Variants in ANXA4 observed in about 807,000 individuals in gnomAD.
ANXA4 encodes 35-beta calcimedin.
Under a neutral mutation model 49.8 loss-of-function variants are expected in ANXA4, and 39 were observed. The ratio of observed to expected loss-of-function variants is 0.78; its 90% CI spans 0.61 to 1.02. ANXA4 has a LOEUF of 1.02. Ranked by LOEUF, ANXA4 falls within the 50% of genes least tolerant of loss-of-function variation. ANXA4 has a pLI of 0.00. For missense variants in ANXA4, 360 were observed against 410.1 expected, an observed-to-expected ratio of 0.88 and a Z score of 1.05; for synonymous variants, 134 against 152.5, an observed-to-expected ratio of 0.88 and a Z score of 0.89.
chr2:69,645,930 A>G (rs71413193), intron 1 of ANXA4, among the ~76,000 whole-genome samples: 1 of 152,236 alleles, frequency 6.6e-6, no homozygotes, highest in Non-Finnish European at 1.5e-5. Context: ...TGACTTGCCC[A>G]AAGTCACACA....
At chr2:69,731,873 G>A (rs2312550) in intron 3 of ANXA4, among the ~76,000 whole-genome samples, 1 of 151,896 alleles carries the variant, frequency 6.6e-6, no homozygotes, top group South Asian at 2.1e-4. Context: ...TCATGGCAAG[G>A]AAAACAGGTT....
At chr2:69,783,340 T>C (rs997137655) in intron 2 of ANXA4, among the ~76,000 whole-genome samples, 1 of 152,042 alleles carries the variant, frequency 6.6e-6, no homozygotes, top group Non-Finnish European at 1.5e-5. Flanking sequence ...CTCAGCCTCC[T>C]GAGTAGCTGG....
intron 9 of ANXA4, 79 bp from the exon 10 acceptor site, chr2:69,818,519 TA>T: frequency 1.1e-6 from 1 of 905,908 alleles, no homozygotes. Context: ...GTAGGCTAGT[TA>T]AAAATGCTCA....
At chr2:69,697,364 A>C (rs1449067692) in intron 2 of ANXA4, among the ~76,000 whole-genome samples, 1 of 152,186 alleles carries the variant, frequency 6.6e-6, no homozygotes, top group Non-Finnish European at 1.5e-5. Flanking sequence ...AAAAGAGTTT[A>C]GTGCCTTGTT....
In ANXA4 at chr2:69,810,655, G is replaced by A; in HGVS notation, c.459G>A (p.Val153=). The A allele has an allele frequency of 1.2e-6, 2 of 1,614,072 alleles. No individual in the cohort carries two copies. The highest frequency in any genetic ancestry group is 2.2e-5 in the South Asian group (2 of 91,076). Residue 153 remains valine, a synonymous_variant, in exon 7 of 13, where the codon GTG becomes GTA. Transcript: ENST00000394295. The stretch of plus-strand genomic sequence containing the variant: ...ACACATCGTTCATGTTCCAGCGAGT[G>A]CTGGTGTCTCTGTCAGCTGTGAGTG... ...RSDTSFMFQR[V]LVSLSAGGRD...
At chr2:69,723,880 A>G (rs1026422836) in intron 3 of ANXA4, among the ~76,000 whole-genome samples, 1 of 152,326 alleles carries the variant, frequency 6.6e-6, no homozygotes, top group Admixed American at 6.5e-5. Context: ...TAAAGACACT[A>G]CATGAGAAGC....
At chr2:69,669,212 T>C (rs12105462) in intron 2 of ANXA4, among the ~76,000 whole-genome samples, 9,663 of 151,106 alleles carry the variant, frequency 0.064, 1,008 homozygotes, top group East Asian at 0.36. Flanking sequence ...CCCAAAGCAC[T>C]GGGATTACAG....
intron 1 of ANXA4, among the ~76,000 whole-genome samples, chr2:69,651,818 G>T (rs866489298): frequency 0.3 from 4,801 of 15,984 alleles, 627 homozygotes; most frequent in East Asian, 0.61. Flanking sequence ...TTTTTTTTTT[G>T]GGGGGGGGGG....
At chr2:69,757,241 T>A (rs1174266297) in intron 1 of ANXA4, among the ~76,000 whole-genome samples, 1 of 57,050 alleles carries the variant, frequency 1.8e-5, no homozygotes, top group African/African-American at 7.7e-5. Context: ...TTTTGTTTTA[T>A]ATATATATAT....
chr2:69,719,839 G>A (rs547791928), intron 2 of ANXA4, among the ~76,000 whole-genome samples: 36 of 152,012 alleles, frequency 2.4e-4, no homozygotes, highest in African/African-American at 8.7e-4. Context: ...TGTTGCCCAG[G>A]CTGGTCTCAA....
intron 3 of ANXA4, among the ~76,000 whole-genome samples, chr2:69,789,699 C>G (rs1672592144): frequency 1.3e-5 from 2 of 152,084 alleles, no homozygotes; most frequent in South Asian, 4.2e-4. Flanking sequence ...AGGTCTTATC[C>G]TCCTAGGGTC....
chr2:69,734,880 T>A (rs1205600317), intron 3 of ANXA4, among the ~76,000 whole-genome samples: 1 of 152,220 alleles, frequency 6.6e-6, no homozygotes, highest in Non-Finnish European at 1.5e-5. Flanking sequence ...TGAGTGGGTA[T>A]TCAGCAACAT....
chr2:69,762,389 GAAA>G (rs557937181), intron 1 of ANXA4, among the ~76,000 whole-genome samples: 3 of 133,438 alleles, frequency 2.2e-5, no homozygotes, highest in Non-Finnish European at 3.3e-5. Context: ...CCGTCTAGGG[GAAA>G]AAAAAAAAAA....
chr2:69,680,245 T>C (rs966290987), intron 2 of ANXA4, among the ~76,000 whole-genome samples: 3 of 152,184 alleles, frequency 2.0e-5, no homozygotes, highest in Admixed American at 6.5e-5. Flanking sequence ...TTATTCTTAG[T>C]CATTTCTCTT....
chr2:69,734,779 G>C (rs983164675), intron 3 of ANXA4, among the ~76,000 whole-genome samples: 1 of 152,170 alleles, frequency 6.6e-6, no homozygotes, highest in Admixed American at 6.5e-5. Context: ...CCAGCACTTT[G>C]TTTCTCCGGT....
chr2:69,649,964 C>T (rs1676170556), intron 1 of ANXA4, among the ~76,000 whole-genome samples: 1 of 117,956 alleles, frequency 8.5e-6, no homozygotes, highest in Non-Finnish European at 1.7e-5. Flanking sequence ...GAGACGGAGT[C>T]TCACTCTGTC....
intron 3 of ANXA4, among the ~76,000 whole-genome samples, chr2:69,794,576 T>TGTTATGTTA (rs1553360016): frequency 6.6e-6 from 1 of 150,736 alleles, no homozygotes; most frequent in Non-Finnish European, 1.5e-5. Flanking sequence ...TGTTATGTTA[T>TGTTATGTTA]TTTTGAGACG....
intron 3 of ANXA4, among the ~76,000 whole-genome samples, chr2:69,735,769 A>G (rs75941339): frequency 0.035 from 5,303 of 152,246 alleles, 91 homozygotes; most frequent in East Asian, 0.049. Flanking sequence ...AACAATCACA[A>G]TCATTTATTA....
intron 1 of ANXA4, among the ~76,000 whole-genome samples, chr2:69,779,321 A>G (rs1267244971): frequency 6.6e-6 from 1 of 152,222 alleles, no homozygotes. Flanking sequence ...CTGGTAGACT[A>G]TAAATGCCTT....
Sources: gnomAD v4.1 joint callset for allele counts (sites outside exome capture counted in the v4.1 genomes callset) on GRCh38, gnomAD v4.1.1 for gene constraint, MANE v1.5 for transcripts, NCBI Gene and HGNC (gene_info 2026-07-23, HGNC 2026-07-21) for gene names.